Variants in SH2D4A observed in about 807,000 individuals in gnomAD.
The protein encoded by SH2D4A is SH2 domain containing 4A, also known as SH2 domain-containing protein 4A.
A neutral mutation model predicts 64.7 loss-of-function variants in SH2D4A; 70 were observed. The observed-to-expected ratio is 1.08, with a 90% CI of 0.89 to 1.32. The LOEUF (loss-of-function observed/expected upper bound fraction) is 1.32, where lower values mean the gene tolerates loss of function less well. SH2D4A is among the 40% of genes most tolerant of loss of function. The pLI, the probability that SH2D4A is intolerant of heterozygous loss-of-function variation, is 0.00. For missense variants in SH2D4A, 706 were observed against 540.1 expected (o/e 1.31, Z -3.04); for synonymous variants, 268 against 200.7 (o/e 1.34, Z -2.83).
chr8:19,389,445 A>T (rs1185894391), intron 8 of SH2D4A, among the ~76,000 whole-genome samples: 1 of 152,150 alleles, frequency 6.6e-6, no homozygotes, highest in Non-Finnish European at 1.5e-5. Flanking sequence ...CAATATTTTC[A>T]TTATCACACA....
intron 2 of SH2D4A, among the ~76,000 whole-genome samples, chr8:19,324,433 G>A (rs1463865247): frequency 6.6e-6 from 1 of 152,174 alleles, no homozygotes; most frequent in East Asian, 1.9e-4. Flanking sequence ...AAGGCCATTG[G>A]TTCATGCCAT....
intron 8 of SH2D4A, among the ~76,000 whole-genome samples, chr8:19,386,910 G>T (rs1170355859): frequency 1.3e-5 from 2 of 152,222 alleles, no homozygotes; most frequent in Admixed American, 6.5e-5. Flanking sequence ...CTCCTGAACA[G>T]CTGGGAATGC....
chr8:19,337,972 A>G (rs1400541843), intron 4 of SH2D4A, among the ~76,000 whole-genome samples: 2 of 152,204 alleles, frequency 1.3e-5, no homozygotes, highest in Non-Finnish European at 1.5e-5. Context: ...TGCTGCCACA[A>G]GATGGGAGCC....
intron 8 of SH2D4A, among the ~76,000 whole-genome samples, chr8:19,389,295 C>G (rs766868335): frequency 2.0e-5 from 3 of 152,152 alleles, no homozygotes; most frequent in African/African-American, 7.2e-5. Context: ...AATGTTTCCC[C>G]GGGGCCTTTC....
intron 3 of SH2D4A, among the ~76,000 whole-genome samples, chr8:19,333,925 C>A (rs2052401685): frequency 6.6e-6 from 1 of 152,168 alleles, no homozygotes; most frequent in Non-Finnish European, 1.5e-5. Flanking sequence ...GTCTTCTGAG[C>A]ATTTGGAATA....
chr8:19,334,355 C>T (rs78343248), intron 3 of SH2D4A, among the ~76,000 whole-genome samples: 24,735 of 151,632 alleles, frequency 0.16, 2,108 homozygotes, highest in Middle Eastern at 0.26. Flanking sequence ...TGGAAGCAGA[C>T]GGTGTGGTTC....
chr8:19,336,521 A>G (rs1035084899), intron 4 of SH2D4A, among the ~76,000 whole-genome samples: 2 of 152,084 alleles, frequency 1.3e-5, no homozygotes, highest in Non-Finnish European at 2.9e-5. Context: ...CCTCCAACCA[A>G]GAACAACAGT....
chr8:19,340,204 G>A (rs1036427267), intron 4 of SH2D4A, among the ~76,000 whole-genome samples: 4 of 152,262 alleles, frequency 2.6e-5, no homozygotes, highest in South Asian at 2.1e-4. Context: ...CAGTGTGACT[G>A]GAGTGCAGAA....
chr8:19,366,378 G>T (rs897354586), intron 7 of SH2D4A, among the ~76,000 whole-genome samples: 1 of 152,150 alleles, frequency 6.6e-6, no homozygotes, highest in African/African-American at 2.4e-5. Context: ...TTACCGTGCT[G>T]TGCAGTAGAG....
At chr8:19,386,540 C>T (rs2053395088) in intron 8 of SH2D4A, among the ~76,000 whole-genome samples, 1 of 152,114 alleles carries the variant, frequency 6.6e-6, no homozygotes, top group African/African-American at 2.4e-5. Flanking sequence ...CCGGGAGCCC[C>T]AAGCTTCCCA....
At chr8:19,346,042 GT>G (rs1240966180) in intron 4 of SH2D4A, among the ~76,000 whole-genome samples, 1 of 152,150 alleles carries the variant, frequency 6.6e-6, no homozygotes, top group Non-Finnish European at 1.5e-5. Context: ...ATATATTTTT[GT>G]TGGTTTAAAA....
In SH2D4A at chr8:19,373,606, C is replaced by G. The variant is rs1252668944; in HGVS notation, c.994C>G (p.Pro332Ala). The G allele has an allele frequency of 6.2e-7, 1 of 1,613,310 alleles. No homozygotes were observed. The highest frequency in any genetic ancestry group is 1.3e-5 in the African/African-American group (1 of 74,798). Residue 332 changes from proline (P) to alanine (A), a missense_variant, in exon 8 of 10, where the codon CCA becomes GCA. Transcript: ENST00000265807. ...IIRWFKEEQL[P>A]LRAGYQKTSD... is the part of the protein sequence containing the mutation. ...CCGGTGGTTTAAAGAGGAGCAGCTACCACTTCGAGCGGGCTACCAGAAAAC... is the reference window on the plus strand; with the variant it reads ...CCGGTGGTTTAAAGAGGAGCAGCTAGCACTTCGAGCGGGCTACCAGAAAAC...
At chr8:19,331,031 T>C (rs1241632041) in intron 2 of SH2D4A, among the ~76,000 whole-genome samples, 4 of 152,084 alleles carry the variant, frequency 2.6e-5, no homozygotes, top group African/African-American at 7.2e-5. Context: ...TTCTCCACAG[T>C]GAAAACAGTA....
rs36092909 is a variant in SH2D4A, at chr8:19,394,761, GAAAGT to G, written c.*126_*130del. On this transcript the variant is annotated 3_prime_UTR_variant, in exon 10 of 10. Coordinates refer to ENST00000265807, the MANE Select transcript of SH2D4A (RefSeq NM_022071.4). ...GCAGCAGAGCCAATACTGATCAACTGAAAGTAAAGTATCCATGGAGTCCTCATTGA... is the reference window on the plus strand; with the variant it reads ...GCAGCAGAGCCAATACTGATCAACTGAAAGTATCCATGGAGTCCTCATTGA... The G allele has an allele frequency of 0.44, 228,061 of 522,514 alleles. 53,126 individuals carry two copies. The highest frequency in any genetic ancestry group is 0.57 in the Middle Eastern group (1,114 of 1,940). The allele number at this position is 522,514 out of a possible 1,614,324, so 32.4% of individuals were successfully genotyped here. A position where few individuals can be genotyped will look rare whatever the true frequency, so the allele number is the denominator to read the frequency against.
chr8:19,324,055 C>A (rs1173132245), intron 2 of SH2D4A, among the ~76,000 whole-genome samples: 25 of 152,218 alleles, frequency 1.6e-4, no homozygotes, highest in Admixed American at 1.6e-3. Context: ...CTGAAGCTAC[C>A]TTCACTGGAC....
intron 1 of SH2D4A, among the ~76,000 whole-genome samples, chr8:19,317,922 G>C (rs1585139774): frequency 6.6e-6 from 1 of 151,330 alleles, no homozygotes; most frequent in East Asian, 1.9e-4. Context: ...TTATTTTTGA[G>C]ACAGAGTCTC....
At chr8:19,337,541 A>G (rs2052462527) in intron 4 of SH2D4A, among the ~76,000 whole-genome samples, 4 of 152,120 alleles carry the variant, frequency 2.6e-5, no homozygotes, top group Admixed American at 2.6e-4. Flanking sequence ...GCCAAGGAAA[A>G]TGTGAGAGAG....
chr8:19,339,874 CAT>C (rs1478420250), intron 4 of SH2D4A, among the ~76,000 whole-genome samples: 4 of 152,118 alleles, frequency 2.6e-5, no homozygotes, highest in African/African-American at 9.7e-5. Context: ...TTACTCATAA[CAT>C]ATTTTGAGTA....
At chr8:19,381,538 T>C (rs2053292679) in intron 8 of SH2D4A, among the ~76,000 whole-genome samples, 1 of 152,234 alleles carries the variant, frequency 6.6e-6, no homozygotes, top group African/African-American at 2.4e-5. Context: ...AATTCATTTA[T>C]TAGTTTTAAC....
Sources: allele counts gnomAD v4.1 joint callset (sites outside exome capture counted in the v4.1 genomes callset), GRCh38; gene constraint gnomAD v4.1.1; transcripts MANE v1.5; gene names NCBI Gene and HGNC (gene_info 2026-07-23, HGNC 2026-07-21).